The following UST variants were observed in gnomAD, a reference collection of about 807,000 sequenced individuals.
UST encodes uronyl 2-sulfotransferase.
A neutral mutation model predicts 45.6 loss-of-function variants in UST; 21 were observed. The ratio of observed to expected loss-of-function variants is 0.46; its 90% CI spans 0.33 to 0.66. The LOEUF (loss-of-function observed/expected upper bound fraction) is 0.66. UST is among the 30% of genes least tolerant of loss of function. UST has a pLI of 0.02. For missense variants in UST, 463 were observed against 512.4 expected (o/e 0.90, Z 0.93); for synonymous variants, 215 against 200.6 (o/e 1.07, Z -0.61).
rs962280522 is a variant in UST at position 148,975,587 on chromosome 6, C to T, written c.681+11024C>T. ...GATCTTTAAATGTAATATTAGCTAT[C>T]ATCATTATAATAATAATATTATTAT... On this transcript the variant is annotated intron_variant, in intron 5 of 7. Transcript: ENST00000367463. Among the ~76,000 whole-genome samples the T allele has an allele frequency of 2.0e-5, 3 of 152,032 alleles. No homozygotes were observed. In the East Asian group the frequency reaches 5.8e-4, roughly 29 times the overall value.
intron 2 of UST, among the ~76,000 whole-genome samples, chr6:148,908,847 T>A (rs755303074): frequency 1.3e-5 from 2 of 152,218 alleles, no homozygotes; most frequent in Non-Finnish European, 2.9e-5. Context: ...AACAAAAGGC[T>A]GTTGATGATA....
chr6:148,983,977 T>TA (rs1781189014), intron 5 of UST, among the ~76,000 whole-genome samples: 2 of 152,300 alleles, frequency 1.3e-5, no homozygotes, highest in South Asian at 4.2e-4. Flanking sequence ...TGTTCTTTTT[T>TA]TAAAAAATTA....
intron 1 of UST, among the ~76,000 whole-genome samples, chr6:148,823,987 T>C (rs1043951759): frequency 5.3e-5 from 8 of 152,176 alleles, no homozygotes; most frequent in African/African-American, 1.9e-4. Flanking sequence ...GAGCACGGCT[T>C]TGACTGATAC....
chr6:148,994,709 G>A (rs1279636364), intron 5 of UST, among the ~76,000 whole-genome samples: 6 of 152,156 alleles, frequency 3.9e-5, no homozygotes, highest in Non-Finnish European at 7.4e-5. Context: ...ATAAAGGAAA[G>A]CACACTCTCT....
At chr6:148,828,368 A>G (rs1036418897) in intron 1 of UST, among the ~76,000 whole-genome samples, 1 of 152,162 alleles carries the variant, frequency 6.6e-6, no homozygotes, top group Admixed American at 6.5e-5. Flanking sequence ...ATCATAAGTT[A>G]ATAATGCCGT....
In UST at chr6:148,747,392, C is replaced by G; in HGVS notation, c.-39C>G. 1 of 1,371,630 alleles carries G rather than the reference C, an allele frequency of 7.3e-7. No individual in the cohort carries two copies. The highest frequency in any genetic ancestry group is 9.5e-7 in the Non-Finnish European group (1 of 1,057,024). 85.0% of individuals were successfully genotyped at this position (1,371,630 alleles called of 1,614,324 possible). Reference sequence around the variant, plus strand: ...CCTCGCGGCGGATGGGTGACCTTTTCCTGGCACGGGCAGGCTGTGGGAGGC... The same window carrying G: ...CCTCGCGGCGGATGGGTGACCTTTTGCTGGCACGGGCAGGCTGTGGGAGGC... On this transcript the variant is annotated 5_prime_UTR_variant, in exon 1 of 8. Transcript: ENST00000367463.
In UST at chr6:149,076,575, G is replaced by A. The variant is rs1045907076; in HGVS notation, c.*2459G>A. ...ACACCCTCTAGGTCCTAAAAGTCAA[G>A]GTACTTCAGTTTATTTGGCAAACAT... On this transcript the variant is annotated 3_prime_UTR_variant, in exon 8 of 8. Transcript: ENST00000367463. 1 of 152,220 alleles carries A rather than the reference G, an allele frequency of 6.6e-6. No homozygotes were observed. The highest frequency in any genetic ancestry group is 2.4e-5 in the African/African-American group (1 of 41,232). 9.4% of individuals were successfully genotyped at this position (152,220 alleles called of 1,614,324 possible).
In UST at chr6:148,809,945, G is replaced by A. The variant is rs112366510; in HGVS notation, c.247+62268G>A. Among the ~76,000 whole-genome samples the A allele has an allele frequency of 6.8e-3, 1,039 of 152,304 alleles. 17 individuals are homozygous for A. Among genetic ancestry groups the A allele is most frequent in the African/African-American group, 0.024 (1,010 of 41,564 alleles). ...TGGATATAAATTGGCAGCTGCAACA[G>A]TATCATGTACAGAAAGTTGGTATCA... is the stretch of plus-strand genomic sequence containing the variant. On this transcript the variant is annotated intron_variant, in intron 1 of 7. Transcript: ENST00000367463.
At chr6:148,980,287 A>AT (rs142054704) in intron 5 of UST, among the ~76,000 whole-genome samples, 7,971 of 152,044 alleles carry the variant, frequency 0.052, 561 homozygotes, top group African/African-American at 0.16. Context: ...AATTCTTTTT[A>AT]TTTTTTTCTT....
intron 1 of UST, among the ~76,000 whole-genome samples, chr6:148,754,014 G>A (rs1312984035): frequency 1.5e-4 from 21 of 143,312 alleles, no homozygotes; most frequent in Non-Finnish European, 6.1e-5. Context: ...TTTTTTTTGA[G>A]ATTGGAGGCT....
intron 3 of UST, among the ~76,000 whole-genome samples, chr6:148,947,355 C>T (rs561006310): frequency 6.6e-6 from 1 of 152,316 alleles, no homozygotes; most frequent in East Asian, 1.9e-4. Flanking sequence ...GCACCAAAAT[C>T]TGCTGGGGAG....
chr6:149,069,712 G>A (rs901261363), intron 7 of UST, among the ~76,000 whole-genome samples: 2 of 152,106 alleles, frequency 1.3e-5, no homozygotes, highest in Non-Finnish European at 2.9e-5. Context: ...TCACCTAATC[G>A]TAATCAAAGA....
intron 1 of UST, among the ~76,000 whole-genome samples, chr6:148,847,232 A>G (rs1001214248): frequency 6.6e-6 from 1 of 152,246 alleles, no homozygotes; most frequent in Non-Finnish European, 1.5e-5. Flanking sequence ...GGAGTCTGGC[A>G]TAACTTGACA....
intron 7 of UST, among the ~76,000 whole-genome samples, chr6:149,045,122 G>A (rs1297145250): frequency 6.6e-6 from 1 of 152,154 alleles, no homozygotes; most frequent in Non-Finnish European, 1.5e-5. Flanking sequence ...GCATTCTGAA[G>A]TTAAGTCCCA....
intron 4 of UST, among the ~76,000 whole-genome samples, chr6:148,957,529 G>A (rs1193537993): frequency 6.6e-6 from 1 of 152,174 alleles, no homozygotes; most frequent in Non-Finnish European, 1.5e-5. Context: ...TGTAACCTCA[G>A]TTCAAGCGAT....
intron 1 of UST, among the ~76,000 whole-genome samples, chr6:148,823,819 A>T (rs1243490712): frequency 6.6e-6 from 1 of 152,174 alleles, no homozygotes; most frequent in Non-Finnish European, 1.5e-5. Context: ...GAAAGGAGAA[A>T]AATCACCTTC....
At chr6:148,939,515 G>A (rs1308687841) in intron 2 of UST, among the ~76,000 whole-genome samples, 1 of 152,156 alleles carries the variant, frequency 6.6e-6, no homozygotes, top group African/African-American at 2.4e-5. Flanking sequence ...TATAGATTAA[G>A]GGAATAGAAT....
intron 7 of UST, among the ~76,000 whole-genome samples, chr6:149,041,378 A>T (rs1237882198): frequency 6.6e-6 from 1 of 152,222 alleles, no homozygotes; most frequent in Non-Finnish European, 1.5e-5. Context: ...GCAGAGGGCA[A>T]AGGCATGAGA....
At chr6:148,901,805 C>G (rs1213381748) in intron 2 of UST, among the ~76,000 whole-genome samples, 1 of 152,088 alleles carries the variant, frequency 6.6e-6, no homozygotes, top group South Asian at 2.1e-4. Flanking sequence ...GTGGTCCACC[C>G]GCCTCGGCCT....
Sources: gnomAD v4.1 joint callset for allele counts (sites outside exome capture counted in the v4.1 genomes callset) on GRCh38, gnomAD v4.1.1 for gene constraint, MANE v1.5 for transcripts, NCBI Gene and HGNC (gene_info 2026-07-23, HGNC 2026-07-21) for gene names.